Variants in ATF7IP observed in about 807,000 individuals in gnomAD.
ATF7IP encodes the protein activating transcription factor 7 interacting protein.
ATF7IP carries 23 observed loss-of-function variants against 106.4 expected under a neutral mutation model. The observed-to-expected ratio is 0.22, with a 90% CI of 0.16 to 0.31. The LOEUF is 0.31. Ranked by LOEUF, ATF7IP falls within the 10% of genes least tolerant of loss-of-function variation. The pLI is 1.00. For synonymous variants in ATF7IP, 542 were observed against 539.0 expected (o/e 1.01, Z -0.08); for missense variants, 1,334 against 1,524.3 (o/e 0.88, Z 2.08).
intron 2 of ATF7IP, among the ~76,000 whole-genome samples, chr12:14,426,724 C>A (rs1318040783): frequency 6.9e-6 from 1 of 144,982 alleles, no homozygotes; most frequent in South Asian, 2.2e-4. Flanking sequence ...TACTTGAGGG[C>A]CTGAGGTAGG....
At chr12:14,494,315 AT>A in intron 13 of ATF7IP, among the ~76,000 whole-genome samples, 1 of 93,100 alleles carries the variant, frequency 1.1e-5, no homozygotes, top group South Asian at 2.8e-4. Context: ...ATATATATAT[AT>A]ATATATATAT....
At chr12:14,420,111 A>G (rs918263497) in intron 1 of ATF7IP, 3 of 152,288 alleles carry the variant, frequency 2.0e-5, no homozygotes, top group African/African-American at 4.8e-5. Context: ...AATGTTCACT[A>G]TGGGGAAACT....
intron 1 of ATF7IP, among the ~76,000 whole-genome samples, chr12:14,413,842 C>G (rs1355005956): frequency 6.6e-6 from 1 of 151,896 alleles, no homozygotes; most frequent in Non-Finnish European, 1.5e-5. Context: ...ACATCAAATT[C>G]AAGATTATGC....
intron 5 of ATF7IP, among the ~76,000 whole-genome samples, chr12:14,446,061 G>A (rs1942940659): frequency 6.6e-6 from 1 of 151,876 alleles, no homozygotes; most frequent in Non-Finnish European, 1.5e-5. Flanking sequence ...GGCAAAATAT[G>A]TGATCAGGGA....
intron 1 of ATF7IP, among the ~76,000 whole-genome samples, chr12:14,367,022 C>T (rs1938328797): frequency 6.6e-6 from 1 of 152,080 alleles, no homozygotes; most frequent in Non-Finnish European, 1.5e-5. Flanking sequence ...TTATGTAACA[C>T]AATTGGGGGA....
intron 1 of ATF7IP, among the ~76,000 whole-genome samples, chr12:14,415,691 G>GTTTT (rs71067794): frequency 7.6e-5 from 11 of 144,808 alleles, no homozygotes; most frequent in East Asian, 2.0e-4. Context: ...ACCACTTACT[G>GTTTT]TTTTTTTTTT....
chr12:14,458,917 G>T (rs1252704476), intron 8 of ATF7IP, among the ~76,000 whole-genome samples: 3 of 151,812 alleles, frequency 2.0e-5, no homozygotes, highest in African/African-American at 7.3e-5. Context: ...ACCAAGTTAT[G>T]CAAATCTTCC....
intron 1 of ATF7IP, among the ~76,000 whole-genome samples, chr12:14,390,717 CCGTTA>C (rs1939499002): frequency 6.6e-6 from 1 of 152,156 alleles, no homozygotes; most frequent in Admixed American, 6.5e-5. Flanking sequence ...TAGATAATGG[CCGTTA>C]GGCCATTACA....
intron 6 of ATF7IP, among the ~76,000 whole-genome samples, chr12:14,456,260 G>A (rs1486568619): frequency 6.6e-6 from 1 of 152,126 alleles, no homozygotes; most frequent in Non-Finnish European, 1.5e-5. Flanking sequence ...AACTCTTACA[G>A]CATGTGAGCC....
intron 2 of ATF7IP, among the ~76,000 whole-genome samples, chr12:14,427,380 C>T (rs76094529): frequency 2.7e-5 from 4 of 147,486 alleles, no homozygotes; most frequent in African/African-American, 7.5e-5. Context: ...TTTTTTTTTC[C>T]GAGATGGAGT....
intron 1 of ATF7IP, among the ~76,000 whole-genome samples, chr12:14,417,262 A>T (rs556646621): frequency 4.9e-4 from 75 of 152,332 alleles, no homozygotes; most frequent in African/African-American, 1.5e-3. Context: ...AAAAGGATGT[A>T]GTAATTGTAC....
intron 1 of ATF7IP, among the ~76,000 whole-genome samples, chr12:14,373,855 CCT>C (rs1378552172): frequency 6.6e-6 from 1 of 151,732 alleles, no homozygotes; most frequent in African/African-American, 2.4e-5. Flanking sequence ...GAATTCTTCC[CCT>C]CTCTGCTTGC....
chr12:14,457,570 A>C (rs982566277), intron 8 of ATF7IP, among the ~76,000 whole-genome samples: 26 of 152,110 alleles, frequency 1.7e-4, no homozygotes, highest in Admixed American at 1.0e-3. Flanking sequence ...AAAACAAAAA[A>C]ATTTAGGGTC....
At chr12:14,442,863 G>A (rs1378157044) in intron 5 of ATF7IP, among the ~76,000 whole-genome samples, 1 of 152,010 alleles carries the variant, frequency 6.6e-6, no homozygotes, top group Non-Finnish European at 1.5e-5. Flanking sequence ...TATACAAAAA[G>A]GAAGCAGGAG....
At chr12:14,445,914 C>T (rs1942934210) in intron 5 of ATF7IP, among the ~76,000 whole-genome samples, 1 of 152,104 alleles carries the variant, frequency 6.6e-6, no homozygotes, top group Non-Finnish European at 1.5e-5. Flanking sequence ...GCAACAGAAA[C>T]AGTTGAATAT....
chr12:14,467,121 C>G (rs1303391952), intron 10 of ATF7IP, among the ~76,000 whole-genome samples: 1 of 152,104 alleles, frequency 6.6e-6, no homozygotes, highest in Non-Finnish European at 1.5e-5. Flanking sequence ...AATAGAATAA[C>G]TACTTCTTTC....
intron 2 of ATF7IP, among the ~76,000 whole-genome samples, chr12:14,434,105 A>T (rs1942279089): frequency 6.6e-6 from 1 of 152,190 alleles, no homozygotes; most frequent in South Asian, 2.1e-4. Flanking sequence ...AATCTATATT[A>T]AGATTAAATC....
In ATF7IP at chr12:14,456,565, C is replaced by T. The variant is rs769839216; in HGVS notation, c.2000C>T (p.Pro667Leu). 5 of 1,610,800 alleles carry T rather than the reference C, an allele frequency of 3.1e-6. No individual in the cohort carries two copies. In the South Asian group the frequency reaches 4.4e-5, roughly 14 times the overall value. ...KEDLKKRHEH[P>L]PNPPVSPGKT... The stretch of plus-strand genomic sequence containing the variant: ...TGATTTTTTTTTCTCCCCCAGCATC[C>T]ACCCAACCCACCAGTATCACCAGGA... The change falls in exon 7 of 15, where the codon CCA becomes CTA. Residue 667 changes from proline to leucine, a missense_variant. This residue lies in a region of ATF7IP where 171 missense variants were observed against 172.6 expected (regional missense o/e 0.99). Coordinates refer to ENST00000261168, the MANE Select transcript of ATF7IP (RefSeq NM_018179.5).
intron 13 of ATF7IP, among the ~76,000 whole-genome samples, chr12:14,491,972 G>A (rs1944840843): frequency 6.6e-6 from 1 of 152,190 alleles, no homozygotes; most frequent in Non-Finnish European, 1.5e-5. Flanking sequence ...ACTAATCTCA[G>A]TACCTCCAGG....
Sources: allele counts gnomAD v4.1 joint callset (sites outside exome capture counted in the v4.1 genomes callset), GRCh38; gene constraint gnomAD v4.1.1; regional missense constraint gnomAD v4.1.1; transcripts MANE v1.5; gene names NCBI Gene and HGNC (gene_info 2026-07-23, HGNC 2026-07-21).